The following FGF14 variants were observed in gnomAD, a reference collection of about 807,000 sequenced individuals.
The protein encoded by FGF14 is fibroblast growth factor 14, also known as fibroblast growth factor homologous factor 4.
FGF14 carries 5 observed loss-of-function variants against 25.5 expected under a neutral mutation model. That is an observed-to-expected ratio of 0.20 (90% CI 0.10 to 0.41). The LOEUF is 0.41. FGF14 is among the 10% of genes least tolerant of loss of function. The probability of loss-of-function intolerance (pLI) is 1.00; values close to 1 mark genes in which losing one functional copy is unlikely to be tolerated. For synonymous variants in FGF14, 138 were observed against 118.3 expected (o/e 1.17, Z -1.08); for missense variants, 222 against 320.1 (o/e 0.69, Z 2.34).
At chr13:102,168,272 G>A (rs1001956418) in intron 1 of FGF14, among the ~76,000 whole-genome samples, 1 of 152,150 alleles carries the variant, frequency 6.6e-6, no homozygotes, top group Non-Finnish European at 1.5e-5. Context: ...AAAGACGTCA[G>A]ATCCTCAGCG....
intron 1 of FGF14, among the ~76,000 whole-genome samples, chr13:101,883,462 G>A (rs1362330149): frequency 6.6e-6 from 1 of 152,162 alleles, no homozygotes; most frequent in Non-Finnish European, 1.5e-5. Flanking sequence ...CATTTACTGT[G>A]AATCTACTTT....
chr13:102,234,904 A>G (rs2051260689), intron 1 of FGF14, among the ~76,000 whole-genome samples: 1 of 152,162 alleles, frequency 6.6e-6, no homozygotes. Context: ...GATACTTTAA[A>G]GCACTGTTTG....
At chr13:101,804,769 A>C (rs1202362555) in intron 3 of FGF14, among the ~76,000 whole-genome samples, 1 of 152,172 alleles carries the variant, frequency 6.6e-6, no homozygotes, top group Non-Finnish European at 1.5e-5. Context: ...CATGTAAACC[A>C]AAGAAAGATT....
rs148535165 is a variant in FGF14 at position 102,049,177 on chromosome 13, C to T, written c.209-173881G>A. On this transcript the variant is annotated intron_variant, in intron 1 of 4. Transcript: ENST00000376131. ...TGAAAGGATATTAATTTTGAACATG[C>T]CAGAAAATCCTTATAGGCTATATAT... is the stretch of plus-strand genomic sequence containing the variant. Among the ~76,000 whole-genome samples, 191 of 152,078 alleles carry T rather than the reference C, an allele frequency of 1.3e-3. 1 individual carries two copies. Among genetic ancestry groups the T allele is most frequent in the African/African-American group, 4.3e-3 (177 of 41,504 alleles).
chr13:102,344,950 G>C (rs555945057), intron 1 of FGF14, among the ~76,000 whole-genome samples: 2 of 152,316 alleles, frequency 1.3e-5, no homozygotes, highest in South Asian at 4.1e-4. Context: ...TTGAAGCAGG[G>C]AAGGCCTGGA....
chr13:102,209,009 A>G (rs1189861637), intron 1 of FGF14, among the ~76,000 whole-genome samples: 2 of 152,362 alleles, frequency 1.3e-5, no homozygotes, highest in Non-Finnish European at 1.5e-5. Context: ...GAGAATTTAC[A>G]ATGAGTTTCT....
intron 1 of FGF14, among the ~76,000 whole-genome samples, chr13:102,160,316 G>A (rs2047563342): frequency 6.6e-6 from 1 of 152,168 alleles, no homozygotes; most frequent in East Asian, 1.9e-4. Flanking sequence ...CAACCCCCTA[G>A]ATACTGTCAT....
chr13:101,846,139 G>C (rs1023518262), intron 3 of FGF14, among the ~76,000 whole-genome samples: 4 of 151,880 alleles, frequency 2.6e-5, no homozygotes. Flanking sequence ...ATTAGTGGAG[G>C]CTTCAGATAA....
intron 1 of FGF14, among the ~76,000 whole-genome samples, chr13:101,893,865 G>C (rs192762452): frequency 6.6e-6 from 1 of 152,254 alleles, no homozygotes; most frequent in Admixed American, 6.5e-5. Context: ...ATGACTTATT[G>C]TTACAGCAGT....
intron 1 of FGF14, among the ~76,000 whole-genome samples, chr13:102,104,578 C>A (rs1178319099): frequency 6.6e-6 from 1 of 152,092 alleles, no homozygotes. Context: ...GAGTTGGAGA[C>A]CAGCCTGGGT....
At chr13:102,370,244 G>A (rs2057838016) in intron 1 of FGF14, among the ~76,000 whole-genome samples, 1 of 152,114 alleles carries the variant, frequency 6.6e-6, no homozygotes. Flanking sequence ...CCCTGCCTTG[G>A]CCTCCCAAAG....
chr13:102,228,742 A>G (rs930234174), intron 1 of FGF14, among the ~76,000 whole-genome samples: 1 of 152,188 alleles, frequency 6.6e-6, no homozygotes, highest in African/African-American at 2.4e-5. Flanking sequence ...CACTAAATAA[A>G]TGCTAGTATC....
At chr13:101,753,104 T>C (rs529011527) in intron 3 of FGF14, among the ~76,000 whole-genome samples, 10 of 152,236 alleles carry the variant, frequency 6.6e-5, no homozygotes, top group African/African-American at 1.9e-4. Context: ...GCAGGTTCTG[T>C]TAGTGAGGAT....
intron 1 of FGF14, among the ~76,000 whole-genome samples, chr13:102,247,885 T>C (rs141391303): frequency 3.4e-4 from 52 of 152,274 alleles, no homozygotes; most frequent in Admixed American, 2.8e-3. Flanking sequence ...GTGGTATATA[T>C]ATCCTATGGG....
intron 1 of FGF14, among the ~76,000 whole-genome samples, chr13:102,142,463 C>A (rs1221112034): frequency 1.3e-5 from 2 of 151,934 alleles, no homozygotes; most frequent in African/African-American, 2.4e-5. Context: ...ATCTTGTCAC[C>A]CTGGATGTCT....
At chr13:101,758,713 T>C (rs1331293055) in intron 3 of FGF14, among the ~76,000 whole-genome samples, 3 of 152,278 alleles carry the variant, frequency 2.0e-5, no homozygotes, top group South Asian at 4.1e-4. Flanking sequence ...AAAAAGTCCA[T>C]GAAAGGATGT....
At chr13:102,023,357 G>A (rs369851211) in intron 1 of FGF14, among the ~76,000 whole-genome samples, 4 of 151,912 alleles carry the variant, frequency 2.6e-5, no homozygotes, top group East Asian at 1.9e-4. Flanking sequence ...GGAAGAACAC[G>A]CTTGATTAAA....
intron 3 of FGF14, among the ~76,000 whole-genome samples, chr13:101,837,774 T>G (rs2140305988): frequency 6.6e-6 from 1 of 152,196 alleles, no homozygotes. Flanking sequence ...GTTAATATTG[T>G]GTCAACTTGA....
intron 1 of FGF14, among the ~76,000 whole-genome samples, chr13:102,093,254 G>T (rs1264580023): frequency 6.6e-6 from 1 of 152,082 alleles, no homozygotes; most frequent in Non-Finnish European, 1.5e-5. Context: ...AAGCCTATTT[G>T]ATGATTTGCT....
Sources: allele counts gnomAD v4.1 joint callset (sites outside exome capture counted in the v4.1 genomes callset), GRCh38; gene constraint gnomAD v4.1.1; transcripts MANE v1.5; gene names NCBI Gene and HGNC (gene_info 2026-07-23, HGNC 2026-07-21).